Variants in STAT3 observed in about 807,000 individuals in gnomAD.
The protein encoded by STAT3 is DNA-binding protein APRF.
In STAT3, 7 loss-of-function variants were observed where a neutral mutation model predicts 114.3. The observed-to-expected ratio is 0.06, with a 90% confidence interval of 0.03 to 0.11. The LOEUF (loss-of-function observed/expected upper bound fraction) is 0.11, where lower values mean the gene tolerates loss of function less well. STAT3 is among the 10% of genes least tolerant of loss of function. The pLI, the probability that STAT3 is intolerant of heterozygous loss-of-function variation, is 1.00. For synonymous variants in STAT3, 331 were observed against 354.5 expected, an observed-to-expected ratio of 0.93 and a Z score of 0.74; for missense variants, 364 against 960.9, an observed-to-expected ratio of 0.38 and a Z score of 8.21.
intron 1 of STAT3, among the ~76,000 whole-genome samples, chr17:42,363,975 A>G (rs2083647824): frequency 6.6e-6 from 1 of 152,048 alleles, no homozygotes; most frequent in Non-Finnish European, 1.5e-5. Flanking sequence ...GTACATATAT[A>G]AGCATCTGAG....
chr17:42,333,819 C>T lies in STAT3; in HGVS notation c.957-54G>A, dbSNP rs1409700715. 5.6e-6 allele frequency: 9 copies of T among 1,613,910 alleles called. No individual in the cohort carries two copies. The highest frequency in any genetic ancestry group is 5.0e-5 in the Admixed American group (3 of 59,996). ...CCACGGCCATGACCAGAAGTCAGCC[C>T]GCCTCTCACTCTACCACGTGAGTCT... On this transcript the variant is annotated intron_variant, in intron 9 of 23. Coordinates refer to ENST00000264657, the MANE Select transcript of STAT3 (RefSeq NM_139276.3). The surrounding 1 kb of genome is among the most constrained non-coding windows in gnomAD (Gnocchi z 5.2).
chr17:42,365,283 A>G (rs1045202464), intron 1 of STAT3, among the ~76,000 whole-genome samples: 6 of 152,224 alleles, frequency 3.9e-5, no homozygotes, highest in African/African-American at 1.4e-4. Flanking sequence ...CGTGGTCTAC[A>G]GTCTCAGCTG....
intron 1 of STAT3, among the ~76,000 whole-genome samples, chr17:42,356,142 CAGA>C (rs1360967503): frequency 2.6e-5 from 4 of 152,152 alleles, no homozygotes; most frequent in East Asian, 1.9e-4. Flanking sequence ...TAAAGAAACA[CAGA>C]AGATTTCTTG....
chr17:42,327,479 T>G (rs1392892293), intron 14 of STAT3, among the ~76,000 whole-genome samples: 1 of 152,200 alleles, frequency 6.6e-6, no homozygotes, highest in Non-Finnish European at 1.5e-5. Context: ...TATTCCATTG[T>G]GTCTATACCA....
In STAT3 at chr17:42,314,892, C is replaced by T. The variant is rs559241286; in HGVS notation, c.*853G>A. On this transcript the variant is annotated 3_prime_UTR_variant, in exon 24 of 24. Coordinates refer to ENST00000264657, the MANE Select transcript of STAT3 (RefSeq NM_139276.3). ...TTTTTGAGACAGAGTCTCAGACTGT[C>T]GCCCAGGATGGAGTGCAGTGTGCAG... is the stretch of plus-strand genomic sequence containing the variant. 34 of 167,844 alleles carry T rather than the reference C, an allele frequency of 2.0e-4. No homozygotes were observed. The East Asian group carries it at 3.0e-3, about 15-fold the overall frequency. 10.4% of individuals were successfully genotyped at this position (167,844 alleles called of 1,614,324 possible). A position where few individuals can be genotyped will look rare whatever the true frequency, so the allele number is the denominator to read the frequency against.
Position 42,352,981 on chromosome 17 carries a change from T to G in STAT3, c.-23-4442A>C, listed in dbSNP as rs538643251. ...TGAAATGATAATATTTTAGATATAT[T>G]GGGTTAAATAAAATATATTATTAAA... On this transcript the variant is annotated intron_variant, in intron 1 of 23. Transcript: ENST00000264657. Among the ~76,000 whole-genome samples, 4 of 152,322 alleles carry G rather than the reference T, an allele frequency of 2.6e-5. No homozygotes were observed. The East Asian group carries it at 7.7e-4, about 29-fold the overall frequency.
chr17:42,348,585 G>T, intron 1 of STAT3, 46 bp from the exon 2 acceptor site: 1 of 1,608,616 alleles, frequency 6.2e-7, no homozygotes. Flanking sequence ...CCCAGTAGGG[G>T]TAAACAATCT....
At chr17:42,376,710 G>C (rs929225337) in intron 1 of STAT3, among the ~76,000 whole-genome samples, 1 of 151,962 alleles carries the variant, frequency 6.6e-6, no homozygotes, top group Non-Finnish European at 1.5e-5. Flanking sequence ...GCCGGGCATT[G>C]TGACGGGCGC....
intron 1 of STAT3, among the ~76,000 whole-genome samples, chr17:42,375,076 C>T (rs1343601289): frequency 6.6e-6 from 1 of 152,122 alleles, no homozygotes; most frequent in Non-Finnish European, 1.5e-5. Context: ...AAAACAAAAC[C>T]AACATTAATC....
chr17:42,383,431 G>C (rs2084912956), intron 1 of STAT3, among the ~76,000 whole-genome samples: 1 of 151,414 alleles, frequency 6.6e-6, no homozygotes, highest in Non-Finnish European at 1.5e-5. Context: ...TTGAACTCCT[G>C]GGCTCAAGCA....
intron 1 of STAT3, among the ~76,000 whole-genome samples, chr17:42,377,925 G>A (rs1047622688): frequency 6.6e-5 from 10 of 151,702 alleles, no homozygotes; most frequent in Non-Finnish European, 1.0e-4. Context: ...GTAAACGTCC[G>A]TGGAATCTAT....
chr17:42,385,729 A>G (rs1276462981), intron 1 of STAT3, among the ~76,000 whole-genome samples: 1 of 152,192 alleles, frequency 6.6e-6, no homozygotes, highest in Non-Finnish European at 1.5e-5. Flanking sequence ...GGTTTAAATG[A>G]CATTTAGGTC....
chr17:42,326,654 T>G (rs1199475980), intron 14 of STAT3, among the ~76,000 whole-genome samples: 1 of 152,138 alleles, frequency 6.6e-6, no homozygotes, highest in Non-Finnish European at 1.5e-5. Context: ...ACCCCGTTTC[T>G]ACTAAGAATA....
chr17:42,313,328 G>T lies in STAT3; in HGVS notation c.*2417C>A, dbSNP rs1041042698. On this transcript the variant is annotated 3_prime_UTR_variant, in exon 24 of 24. Transcript: ENST00000264657. The stretch of plus-strand genomic sequence containing the variant: ...AACAGAGCTGCCATGCTATCAGACG[G>T]TTCCTATATAACGTTTATTTCTGGA... 5 of 177,528 alleles carry T rather than the reference G, an allele frequency of 2.8e-5. No individual in the cohort carries two copies. Among genetic ancestry groups the T allele is most frequent in the African/African-American group, 5.2e-5 (2 of 38,574 alleles). 11.0% of individuals were successfully genotyped at this position (177,528 alleles called of 1,614,324 possible).
intron 1 of STAT3, among the ~76,000 whole-genome samples, chr17:42,355,886 G>A (rs1214802233): frequency 2.6e-5 from 4 of 152,198 alleles, no homozygotes; most frequent in African/African-American, 7.2e-5. Flanking sequence ...GATTTACAAC[G>A]AGGGTGAGGG....
intron 23 of STAT3, chr17:42,316,159 C>CTTT: frequency 2.0e-6 from 2 of 1,004,634 alleles, no homozygotes; most frequent in Non-Finnish European, 2.6e-6. Flanking sequence ...TGTGCTGTGG[C>CTTT]TGTCAAAAGC....
intron 18 of STAT3, 108 bp downstream of exon 18, chr17:42,323,465 C>T: frequency 6.4e-7 from 1 of 1,554,216 alleles, no homozygotes; most frequent in South Asian, 1.1e-5. Context: ...TCAGGCAGGT[C>T]CTACTGGCCG....
At chr17:42,323,489 T>A (rs993823575) in intron 18 of STAT3, 84 bp downstream of exon 18, 35 of 1,570,572 alleles carry the variant, frequency 2.2e-5, no homozygotes, top group Non-Finnish European at 2.9e-5. Context: ...GACCAAGAGT[T>A]CAGGGCCTTC....
intron 1 of STAT3, among the ~76,000 whole-genome samples, chr17:42,355,902 G>A (rs544012423): frequency 3.7e-4 from 57 of 152,254 alleles, no homozygotes; most frequent in African/African-American, 1.3e-3. Flanking sequence ...GAGGGAAGGC[G>A]GAAAGAGAGA....
Sources: allele counts gnomAD v4.1 joint callset (sites outside exome capture counted in the v4.1 genomes callset), GRCh38; gene constraint gnomAD v4.1.1; non-coding constraint Gnocchi (gnomAD v3.1); transcripts MANE v1.5; gene names NCBI Gene and HGNC (gene_info 2026-07-23, HGNC 2026-07-21).